RBMS3: variants seen among roughly 807,000 people sequenced by gnomAD.
RBMS3 encodes RNA binding motif single stranded interacting protein 3.
A neutral mutation model predicts 66.8 loss-of-function variants in RBMS3; 27 were observed. That is an observed-to-expected ratio of 0.40 (90% CI 0.30 to 0.56). The LOEUF (loss-of-function observed/expected upper bound fraction) is 0.56, where lower values mean the gene tolerates loss of function less well. Among genes scored for constraint, RBMS3 ranks in the 20% least tolerant of loss-of-function variants. The pLI, the probability that RBMS3 is intolerant of heterozygous loss-of-function variation, is 0.40. For missense variants in RBMS3, 513 were observed against 549.5 expected, an observed-to-expected ratio of 0.93 and a Z score of 0.66; for synonymous variants, 188 against 183.0, an observed-to-expected ratio of 1.03 and a Z score of -0.22.
intron 4 of RBMS3, among the ~76,000 whole-genome samples, chr3:29,722,393 G>A (rs1201987707): frequency 6.6e-6 from 1 of 151,988 alleles, no homozygotes; most frequent in Admixed American, 6.6e-5. Context: ...TCCATAAAGA[G>A]TTTAGTTATA....
chr3:29,662,702 C>T (rs192585589), intron 4 of RBMS3, among the ~76,000 whole-genome samples: 24 of 152,314 alleles, frequency 1.6e-4, no homozygotes, highest in African/African-American at 5.5e-4. Flanking sequence ...TGATTCTACT[C>T]TCTTCTTAAA....
chr3:29,587,071 A>C (rs758618077), intron 3 of RBMS3, 43 bp from the exon 4 acceptor site: 2 of 1,459,928 alleles, frequency 1.4e-6, no homozygotes, highest in African/African-American at 1.4e-5. Flanking sequence ...ATAGAGATTC[A>C]GCTTTTTGTG....
chr3:29,668,952 C>T (rs939299010), intron 4 of RBMS3, among the ~76,000 whole-genome samples: 5 of 152,148 alleles, frequency 3.3e-5, no homozygotes, highest in Admixed American at 6.6e-5. Flanking sequence ...TGCCATTGTA[C>T]CCCATCATTT....
intron 4 of RBMS3, among the ~76,000 whole-genome samples, chr3:29,611,712 C>T (rs1477849521): frequency 6.6e-6 from 1 of 151,720 alleles, no homozygotes. Context: ...GGTAGAAGAC[C>T]AGAATTGTTG....
intron 4 of RBMS3, among the ~76,000 whole-genome samples, chr3:29,733,359 G>C (rs887230176): frequency 1.5e-5 from 2 of 132,848 alleles, no homozygotes; most frequent in Non-Finnish European, 3.2e-5. Context: ...TTTTCATATA[G>C]TTATTTCCTT....
At chr3:29,521,924 C>G (rs2044876093) in intron 3 of RBMS3, among the ~76,000 whole-genome samples, 1 of 152,160 alleles carries the variant, frequency 6.6e-6, no homozygotes, top group African/African-American at 2.4e-5. Context: ...CTGTTGACCT[C>G]TTCATTGAAA....
chr3:29,391,079 C>T (rs1400591136), intron 1 of RBMS3: 3 of 311,516 alleles, frequency 9.6e-6, no homozygotes, highest in Admixed American at 5.7e-5. Flanking sequence ...CTAATTAAGA[C>T]TGATGACACC....
Position 29,281,507 on chromosome 3 carries a change from T to G in RBMS3, c.-175T>G. Reference sequence around the variant, plus strand: ...TTTTTCCTTTGGTGTGTGTTTTTTGTTTTGTTTTGTTTTTTAAAAAAATTC... The same window carrying G: ...TTTTTCCTTTGGTGTGTGTTTTTTGGTTTGTTTTGTTTTTTAAAAAAATTC... On this transcript the variant is annotated 5_prime_UTR_variant, in exon 1 of 15. Coordinates refer to ENST00000383767, the MANE Select transcript of RBMS3 (RefSeq NM_001003793.3). The G allele has an allele frequency of 1.7e-6, 1 of 592,086 alleles. No homozygotes were observed. Among genetic ancestry groups the G allele is most frequent in the African/African-American group, 1.9e-5 (1 of 51,526 alleles). 36.7% of individuals were successfully genotyped at this position (592,086 alleles called of 1,614,324 possible).
At chr3:29,841,567 T>A (rs1228497352) in intron 6 of RBMS3, among the ~76,000 whole-genome samples, 1 of 152,022 alleles carries the variant, frequency 6.6e-6, no homozygotes, top group Non-Finnish European at 1.5e-5. Context: ...AGAGTATGTC[T>A]ACCATGTACT....
chr3:29,764,266 G>A (rs970626582), intron 6 of RBMS3, among the ~76,000 whole-genome samples: 3 of 151,954 alleles, frequency 2.0e-5, no homozygotes, highest in Non-Finnish European at 2.9e-5. Context: ...CATGTGTAAC[G>A]TTCCCTTGGG....
chr3:29,399,816 A>C (rs1200656108), intron 1 of RBMS3, among the ~76,000 whole-genome samples: 2 of 152,196 alleles, frequency 1.3e-5, no homozygotes, highest in Non-Finnish European at 2.9e-5. Flanking sequence ...ATAGGCAGGT[A>C]GAGAAGTAAA....
At chr3:29,814,742 G>A (rs1004216640) in intron 6 of RBMS3, among the ~76,000 whole-genome samples, 4 of 152,046 alleles carry the variant, frequency 2.6e-5, no homozygotes, top group Admixed American at 2.6e-4. Flanking sequence ...TTATCCACGT[G>A]CACATTGTGC....
intron 13 of RBMS3, among the ~76,000 whole-genome samples, chr3:29,989,839 A>AAATT (rs751725996): frequency 3.9e-5 from 6 of 152,206 alleles, no homozygotes; most frequent in Non-Finnish European, 8.8e-5. Flanking sequence ...TGCGATAAGA[A>AAATT]AATTAAAAAT....
chr3:29,963,161 C>A (rs1283539724), intron 12 of RBMS3, among the ~76,000 whole-genome samples: 1 of 151,908 alleles, frequency 6.6e-6, no homozygotes, highest in African/African-American at 2.4e-5. Context: ...ATCTTTTGGT[C>A]ATATAGATTT....
At chr3:29,846,226 G>A (rs2058772536) in intron 6 of RBMS3, among the ~76,000 whole-genome samples, 1 of 152,112 alleles carries the variant, frequency 6.6e-6, no homozygotes, top group Non-Finnish European at 1.5e-5. Flanking sequence ...GACCATTGCA[G>A]AATTCCAAAA....
At position 30,004,209 on chromosome 3, in the gene RBMS3, T is replaced by C. The variant is rs1264678980; in HGVS notation, c.*347T>C. On this transcript the variant is annotated 3_prime_UTR_variant, in exon 15 of 15. Coordinates refer to ENST00000383767, the MANE Select transcript of RBMS3 (RefSeq NM_001003793.3). ...AGAATTTTTCTGAAGGTGTAGATACTTTTTTTTTTTTTTTAACAGAAAACC... is the reference window on the plus strand; with the variant it reads ...AGAATTTTTCTGAAGGTGTAGATACCTTTTTTTTTTTTTTAACAGAAAACC... 2 of 125,520 alleles carry C rather than the reference T, an allele frequency of 1.6e-5. No individual in the cohort carries two copies. Among genetic ancestry groups the C allele is most frequent in the Non-Finnish European group, 3.3e-5 (2 of 61,170 alleles). 7.8% of individuals were successfully genotyped at this position (125,520 alleles called of 1,614,324 possible).
At chr3:29,673,463 GT>G (rs1474286974) in intron 4 of RBMS3, among the ~76,000 whole-genome samples, 217 of 134,118 alleles carry the variant, frequency 1.6e-3, no homozygotes, top group Admixed American at 5.2e-3. Flanking sequence ...CCAGGAGCTG[GT>G]TTTTTTTTTT....
chr3:29,293,290 A>G (rs935736554), intron 1 of RBMS3, among the ~76,000 whole-genome samples: 4 of 151,768 alleles, frequency 2.6e-5, no homozygotes, highest in Non-Finnish European at 5.9e-5. Flanking sequence ...TGTGGAAAGA[A>G]TCTCATTCTG....
chr3:29,491,956 G>A (rs543942036), intron 3 of RBMS3, among the ~76,000 whole-genome samples: 2 of 151,814 alleles, frequency 1.3e-5, no homozygotes, highest in African/African-American at 4.8e-5. Flanking sequence ...TCGTGCCACT[G>A]CACTCCAGCC....
Sources: allele counts gnomAD v4.1 joint callset (sites outside exome capture counted in the v4.1 genomes callset), GRCh38; gene constraint gnomAD v4.1.1; transcripts MANE v1.5; gene names NCBI Gene and HGNC (gene_info 2026-07-23, HGNC 2026-07-21).